RERE: variants seen among roughly 807,000 people sequenced by gnomAD.
The protein encoded by RERE is arginine-glutamic acid dipeptide repeats, also known as arginine-glutamic acid dipeptide repeats protein.
Under a neutral mutation model 146.1 loss-of-function variants are expected in RERE, and 40 were observed. The observed-to-expected ratio is 0.27, with a 90% CI of 0.21 to 0.36. RERE has a LOEUF of 0.36. Among genes scored for constraint, RERE ranks in the 10% least tolerant of loss-of-function variants. The probability of loss-of-function intolerance (pLI) is 1.00; values close to 1 mark genes in which losing one functional copy is unlikely to be tolerated. For synonymous variants in RERE, 1,003 were observed against 866.0 expected, an observed-to-expected ratio of 1.16 and a Z score of -2.78; for missense variants, 1,933 against 2,138.7, an observed-to-expected ratio of 0.90 and a Z score of 1.90.
rs6577493 is a variant in RERE, at chr1:8,515,519, T to A, written c.831-6844A>T. On this transcript the variant is annotated intron_variant, in intron 7 of 22. Transcript: ENST00000400908. ...GGTGGCAGGCGCCTGTAGTCCCAGC[T>A]ACTCAGGAGGCTGAGGCAGGAGAAT... Among the ~76,000 whole-genome samples the A allele has an allele frequency of 2.8e-3, 431 of 152,198 alleles. 2 individuals carry two copies. Among genetic ancestry groups the A allele is most frequent in the African/African-American group, 9.9e-3 (413 of 41,528 alleles).
intron 4 of RERE, among the ~76,000 whole-genome samples, chr1:8,577,641 A>C (rs1351301898): frequency 6.6e-6 from 1 of 152,230 alleles, no homozygotes; most frequent in Non-Finnish European, 1.5e-5. Flanking sequence ...CTGAAAGTGA[A>C]TAGGCACAGA....
At position 8,387,852 on chromosome 1, in the gene RERE, T is replaced by A. The variant is rs143272387; in HGVS notation, c.1285-21878A>T. On this transcript the variant is annotated intron_variant, in intron 12 of 22. Coordinates refer to ENST00000400908, the MANE Select transcript of RERE (RefSeq NM_001042681.2). The stretch of plus-strand genomic sequence containing the variant: ...TACAGCTGGAAAAACAACAATCTGC[T>A]TTTCTTGGTAAAATAGCAGATACGC... Among the ~76,000 whole-genome samples the A allele has an allele frequency of 1.1e-4, 17 of 152,352 alleles. No individual in the cohort carries two copies. The East Asian group carries it at 3.3e-3, about 29-fold the overall frequency.
At chr1:8,358,132 T>C in intron 20 of RERE, 64 bp downstream of exon 20, 1 of 1,528,048 alleles carries the variant, frequency 6.5e-7, no homozygotes, top group African/African-American at 1.4e-5. Flanking sequence ...ATGGTGACTG[T>C]CACTCATCAG....
intron 7 of RERE, among the ~76,000 whole-genome samples, chr1:8,529,680 G>T (rs1333169687): frequency 6.6e-6 from 1 of 151,936 alleles, no homozygotes; most frequent in Non-Finnish European, 1.5e-5. Flanking sequence ...CAGTCATGGT[G>T]CTCTCACCCC....
At chr1:8,655,093 T>C (rs1176483650) in intron 2 of RERE, among the ~76,000 whole-genome samples, 2 of 152,170 alleles carry the variant, frequency 1.3e-5, no homozygotes, top group African/African-American at 2.4e-5. Flanking sequence ...CATAATACAT[T>C]TTCTGGAAAA....
chr1:8,796,488 G>GA (rs1263174732), intron 1 of RERE: 2 of 150,808 alleles, frequency 1.3e-5, no homozygotes, highest in African/African-American at 2.4e-5. Context: ...TTTAAGGTAG[G>GA]AAAAAAACTT....
intron 11 of RERE, among the ~76,000 whole-genome samples, chr1:8,427,759 A>G (rs1203425737): frequency 6.6e-6 from 1 of 151,888 alleles, no homozygotes; most frequent in African/African-American, 2.4e-5. Flanking sequence ...ACCAGCCTTT[A>G]GCTTGTGGTT....
At chr1:8,743,475 C>A (rs1246064001) in intron 1 of RERE, among the ~76,000 whole-genome samples, 1 of 150,086 alleles carries the variant, frequency 6.7e-6, no homozygotes, top group East Asian at 2.0e-4. Flanking sequence ...ACCATGTTGG[C>A]CAGGCTGGTC....
intron 11 of RERE, among the ~76,000 whole-genome samples, chr1:8,445,115 G>A (rs947369998): frequency 6.6e-6 from 1 of 152,132 alleles, no homozygotes; most frequent in Admixed American, 6.5e-5. Context: ...TCTTTTAGGG[G>A]CTTCATAGGG....
At chr1:8,725,784 C>T (rs910525833) in intron 1 of RERE, among the ~76,000 whole-genome samples, 4 of 151,778 alleles carry the variant, frequency 2.6e-5, no homozygotes, top group Non-Finnish European at 5.9e-5. Flanking sequence ...ATTAGATTTC[C>T]CTGAAAATGC....
chr1:8,488,064 A>T (rs1644927082), intron 10 of RERE, among the ~76,000 whole-genome samples: 1 of 142,364 alleles, frequency 7.0e-6, no homozygotes, highest in Non-Finnish European at 1.5e-5. Flanking sequence ...ACATAGCAAG[A>T]CCTCTTTAAA....
In RERE at chr1:8,487,884, ATACT is replaced by A. The variant is rs544503550; in HGVS notation, c.1104+7175_1104+7178del. Among the ~76,000 whole-genome samples, 267 of 152,288 alleles carry A rather than the reference ATACT, an allele frequency of 1.8e-3. 2 individuals are homozygous for A. Among genetic ancestry groups the A allele is most frequent in the African/African-American group, 6.3e-3 (262 of 41,552 alleles). ...TTACAACAGAATCCTCAAACAGGAAATACTTAGGAGTAAATTTAACAAAATGTTG... is the reference window on the plus strand; with the variant it reads ...TTACAACAGAATCCTCAAACAGGAAATAGGAGTAAATTTAACAAAATGTTG... On this transcript the variant is annotated intron_variant, in intron 10 of 22. Coordinates refer to ENST00000400908, the MANE Select transcript of RERE (RefSeq NM_001042681.2).
chr1:8,601,758 CACACACACACACACACACAA>C (rs1274332992), intron 4 of RERE, among the ~76,000 whole-genome samples: 3 of 150,032 alleles, frequency 2.0e-5, no homozygotes, highest in South Asian at 2.1e-4. Context: ...CACACACACA[CACACACACACACACACACAA>C]ACACACACAC....
At chr1:8,492,145 T>G (rs1417417418) in intron 10 of RERE, among the ~76,000 whole-genome samples, 2 of 152,202 alleles carry the variant, frequency 1.3e-5, no homozygotes, top group Admixed American at 1.3e-4. Context: ...ACCTGAGCCA[T>G]GTCAGGCTAG....
intron 1 of RERE, among the ~76,000 whole-genome samples, chr1:8,727,199 G>A (rs757026275): frequency 1.3e-5 from 2 of 152,152 alleles, no homozygotes; most frequent in African/African-American, 4.8e-5. Context: ...CTGGAGTGCA[G>A]TGGCGCGATC....
intron 1 of RERE, among the ~76,000 whole-genome samples, chr1:8,677,425 C>CAAAAAAAAAAAAAAAGAAAGAAAGAAAAG (rs1304896086): frequency 1.1e-5 from 1 of 93,748 alleles, no homozygotes; most frequent in African/African-American, 4.0e-5. Flanking sequence ...GTCTCCGTCT[C>CAAAAAAAAAAAAAAAGAAAGAAAGAAAAG]AAAAAAAAAA....
At position 8,497,409 on chromosome 1, in the gene RERE, C is replaced by T. The variant is rs777377433; in HGVS notation, c.1000G>A (p.Ala334Thr). The stretch of plus-strand genomic sequence containing the variant: ...ATGGGGGTAGATTCCTATTACCTTG[C>T]TGCCCTCAAGTACATAAGGAGGTCA... ...DCDLLMYLRA[A>T]RSMAAFAGMC... Residue 334 changes from alanine (A) to threonine (T), a missense_variant, in exon 9 of 23, where the codon GCA (alanine) becomes ACA (threonine). This residue lies in a region of RERE where 260 missense variants were observed against 378.4 expected (regional missense o/e 0.69). Transcript: ENST00000400908. 1.4e-5 allele frequency: 22 copies of T among 1,613,966 alleles called. No homozygotes were observed. In the South Asian group the frequency reaches 2.3e-4, roughly 17 times the overall value.
Position 8,612,614 on chromosome 1 carries a change from A to G in RERE, c.522+1947T>C, listed in dbSNP as rs529511943. Among the ~76,000 whole-genome samples, 5 of 152,358 alleles carry G rather than the reference A, an allele frequency of 3.3e-5. No homozygotes were observed. In the East Asian group the frequency reaches 9.6e-4, roughly 29 times the overall value. ...AGTTTACAAAAAAATTAATGTTATT[A>G]TGGGGAAGACTTAAAATCCATTCAG... On this transcript the variant is annotated intron_variant, in intron 4 of 22. Transcript: ENST00000400908.
At chr1:8,706,010 G>T (rs1490156447) in intron 1 of RERE, among the ~76,000 whole-genome samples, 2 of 150,326 alleles carry the variant, frequency 1.3e-5, no homozygotes, top group African/African-American at 4.9e-5. Context: ...CAGCTACTAG[G>T]GAGGCTAAGG....
Sources: gnomAD v4.1 joint callset for allele counts (sites outside exome capture counted in the v4.1 genomes callset) on GRCh38, gnomAD v4.1.1 for gene constraint, gnomAD v4.1.1 regional missense constraint, MANE v1.5 for transcripts, NCBI Gene and HGNC (gene_info 2026-07-23, HGNC 2026-07-21) for gene names.